Variants in ATPSCKMT observed in about 807,000 individuals in gnomAD.
The protein encoded by ATPSCKMT is ATP synthase subunit C lysine N-methyltransferase.
A neutral mutation model predicts 24.3 loss-of-function variants in ATPSCKMT; 24 were observed. The observed-to-expected ratio is 0.99, with a 90% CI of 0.71 to 1.39. The LOEUF (loss-of-function observed/expected upper bound fraction) is 1.39, where lower values mean the gene tolerates loss of function less well. Among genes scored for constraint, ATPSCKMT ranks in the 40% most tolerant of loss-of-function variants. The pLI is 0.00. For missense variants in ATPSCKMT, 311 were observed against 298.4 expected (o/e 1.04, Z -0.31); for synonymous variants, 95 against 110.5 (o/e 0.86, Z 0.88).
chr5:10,249,169 T>TGA (rs1745144680), intron 1 of ATPSCKMT, among the ~76,000 whole-genome samples: 1 of 148,652 alleles, frequency 6.7e-6, no homozygotes, highest in Admixed American at 6.9e-5. Flanking sequence ...CCTGGGAGGC[T>TGA]GAGGCACGAG....
intron 2 of ATPSCKMT, 122 bp from the exon 3 acceptor site, chr5:10,236,737 A>T (rs1744392752): frequency 1.4e-6 from 2 of 1,479,074 alleles, no homozygotes; most frequent in Non-Finnish European, 1.8e-6. Context: ...CCCGTGACTA[A>T]GACATCATTT....
chr5:10,235,233 A>G lies in ATPSCKMT; in HGVS notation c.473T>C (p.Val158Ala), dbSNP rs2126437342. Residue 158 changes from valine to alanine, a missense_variant, in exon 4 of 5, where the codon GTT (valine) becomes GCT (alanine). Val to Ala is a moderately conservative substitution (Grantham distance 64). Coordinates refer to ENST00000511437, the MANE Select transcript of ATPSCKMT (RefSeq NM_199133.4). ...KVTFSQYSNV[V>A]IFGVPQMMLQ... ...CACCATCTGAGGCACACCGAAAATA[A>G]CAACGTTCGAGTACTGCGAAAAAGT... 1 of 1,613,836 alleles carries G rather than the reference A, an allele frequency of 6.2e-7. No homozygotes were observed. Among genetic ancestry groups the G allele is most frequent in the Non-Finnish European group, 8.5e-7 (1 of 1,179,758 alleles).
At position 10,235,202 on chromosome 5, in the gene ATPSCKMT, C is replaced by T; in HGVS notation, c.495+9G>A. On this transcript the variant is annotated intron_variant, in intron 4 of 4. Coordinates refer to ENST00000511437, the MANE Select transcript of ATPSCKMT (RefSeq NM_199133.4). Reference sequence around the variant, plus strand: ...ACCCCAAACAGAGAGCAGGAAAGTGCATACTCACCATCTGAGGCACACCGA... The same window carrying T: ...ACCCCAAACAGAGAGCAGGAAAGTGTATACTCACCATCTGAGGCACACCGA... 2 of 1,613,484 alleles carry T rather than the reference C, an allele frequency of 1.2e-6. No homozygotes were observed. The highest frequency in any genetic ancestry group is 2.2e-5 in the East Asian group (1 of 44,852).
chr5:10,233,427 T>G (rs1744243244), intron 4 of ATPSCKMT, among the ~76,000 whole-genome samples: 1 of 152,236 alleles, frequency 6.6e-6, no homozygotes, highest in South Asian at 2.1e-4. Flanking sequence ...ACAGGGAACG[T>G]GGACACTTTG....
intron 3 of ATPSCKMT, 145 bp downstream of exon 3, chr5:10,236,333 A>G: frequency 9.7e-7 from 1 of 1,032,482 alleles, no homozygotes; most frequent in South Asian, 2.0e-5. Flanking sequence ...AAACGTATCA[A>G]TTTTACATAT....
chr5:10,249,763 C>A, intron 1 of ATPSCKMT, 95 bp downstream of exon 1: 1 of 1,489,128 alleles, frequency 6.7e-7, no homozygotes, highest in Non-Finnish European at 9.0e-7. Flanking sequence ...CCGGTCACCG[C>A]CTCGACAGTG....
chr5:10,248,334 A>C (rs1404962731), intron 1 of ATPSCKMT: 1 of 152,226 alleles, frequency 6.6e-6, no homozygotes, highest in Non-Finnish European at 1.5e-5. Context: ...TACACAGAGG[A>C]TGCCATAGGA....
intron 4 of ATPSCKMT, among the ~76,000 whole-genome samples, chr5:10,228,054 AG>A (rs961169985): frequency 2.6e-5 from 4 of 152,208 alleles, no homozygotes; most frequent in African/African-American, 9.6e-5. Context: ...TATGTTGCCC[AG>A]GCTGGTCTCA....
In ATPSCKMT at chr5:10,225,594, G is replaced by T. The variant is rs1743844043; in HGVS notation, c.*1847C>A. Among the ~76,000 whole-genome samples, 1 of 152,086 alleles carries T rather than the reference G, an allele frequency of 6.6e-6. No individual in the cohort carries two copies. Among genetic ancestry groups the T allele is most frequent in the Admixed American group, 6.6e-5 (1 of 15,254 alleles). On this transcript the variant is annotated 3_prime_UTR_variant, in exon 5 of 5. Transcript: ENST00000511437. ...ATGGTAGTAGGCAAAAAGAGCTTGT[G>T]CAGGAAAACTCCCCCCTAAAATAAC...
chr5:10,240,804 T>C (rs1744605363), intron 1 of ATPSCKMT, among the ~76,000 whole-genome samples: 1 of 152,056 alleles, frequency 6.6e-6, no homozygotes, highest in Non-Finnish European at 1.5e-5. Context: ...GAGACCAGCC[T>C]GACCAACATG....
At chr5:10,235,754 A>T (rs1744348366) in intron 3 of ATPSCKMT, among the ~76,000 whole-genome samples, 1 of 152,212 alleles carries the variant, frequency 6.6e-6, no homozygotes. Flanking sequence ...AAAAAGTGCA[A>T]TAAAATGGTC....
At chr5:10,232,173 C>T (rs1744170042) in intron 4 of ATPSCKMT, among the ~76,000 whole-genome samples, 1 of 151,768 alleles carries the variant, frequency 6.6e-6, no homozygotes, top group South Asian at 2.1e-4. Context: ...TACTGCACTG[C>T]AGTCTGGGCA....
At position 10,236,561 on chromosome 5, in the gene ATPSCKMT, A is replaced by G. The variant is rs1424925587; in HGVS notation, c.361T>C (p.Trp121Arg). The G allele has an allele frequency of 3.7e-6, 6 of 1,614,216 alleles. No homozygotes were observed. Among genetic ancestry groups the G allele is most frequent in the Non-Finnish European group, 5.1e-6 (6 of 1,180,044 alleles). ...FTAVGYELNPWLVWYSRYRAW... is the reference protein window; with the variant it reads ...FTAVGYELNPRLVWYSRYRAW... ...CGGTATCTGGAATACCAAACTAGCC[A>G]TGGGTTTAATTCATAACCAACTGCT... Residue 121 changes from tryptophan to arginine, a missense_variant, in exon 3 of 5, where the codon TGG (tryptophan) becomes CGG (arginine). By Grantham distance (101) the Trp-to-Arg change is moderately radical. Transcript: ENST00000511437.
chr5:10,241,236 A>C (rs1414678673), intron 1 of ATPSCKMT, among the ~76,000 whole-genome samples: 1 of 152,028 alleles, frequency 6.6e-6, no homozygotes, highest in Admixed American at 6.6e-5. Context: ...ATTTATAGGA[A>C]CCCTCATGAT....
rs561843937 is a variant in ATPSCKMT, at chr5:10,240,593, G to A, written c.17-1237C>T. On this transcript the variant is annotated intron_variant, in intron 1 of 4. Transcript: ENST00000511437. ...AAAGTGGGGGTCACAGGGATATTGT[G>A]AGGATGAAATGAGTGTATGGAGGTA... Among the ~76,000 whole-genome samples, 13 of 152,286 alleles carry A rather than the reference G, an allele frequency of 8.5e-5. 1 individual carries two copies. In the South Asian group the frequency reaches 2.5e-3, roughly 29 times the overall value.
At chr5:10,246,362 G>C (rs1459846848) in intron 1 of ATPSCKMT, among the ~76,000 whole-genome samples, 1 of 151,968 alleles carries the variant, frequency 6.6e-6, no homozygotes, top group East Asian at 1.9e-4. Flanking sequence ...CTGAACCGGG[G>C]AGGCAGAGGT....
intron 1 of ATPSCKMT, among the ~76,000 whole-genome samples, chr5:10,243,482 A>G (rs1366603550): frequency 2.5e-5 from 2 of 80,384 alleles, no homozygotes; most frequent in African/African-American, 7.3e-5. Context: ...GTCTCAAAAG[A>G]AAAAAAAAAA....
At position 10,239,050 on chromosome 5, in the gene ATPSCKMT, G is replaced by A; in HGVS notation, c.306+17C>T. ...AAGTTCTGGTTTCAAACCTTAAAAT[G>A]TTTTAGCAGAACTCACAATGCGTCC... On this transcript the variant is annotated intron_variant, in intron 2 of 4. Transcript: ENST00000511437. The A allele has an allele frequency of 1.2e-6, 2 of 1,606,538 alleles. No homozygotes were observed. The highest frequency in any genetic ancestry group is 1.7e-6 in the Non-Finnish European group (2 of 1,175,526).
At chr5:10,239,394 C>A in intron 1 of ATPSCKMT, 38 bp from the exon 2 acceptor site, 8 of 1,535,234 alleles carry the variant, frequency 5.2e-6, no homozygotes, top group Non-Finnish European at 7.1e-6. Flanking sequence ...CATGTAGCAC[C>A]AAATCTGAAA....
Sources: gnomAD v4.1 joint callset for allele counts (sites outside exome capture counted in the v4.1 genomes callset) on GRCh38, gnomAD v4.1.1 for gene constraint, MANE v1.5 for transcripts, NCBI Gene and HGNC (gene_info 2026-07-23, HGNC 2026-07-21) for gene names.